Variants in HMCN1 observed in about 807,000 individuals in gnomAD.
The protein encoded by HMCN1 is hemicentin-1.
Under a neutral mutation model 625.9 loss-of-function variants are expected in HMCN1, and 321 were observed. The ratio of observed to expected loss-of-function variants is 0.51; its 90% confidence interval spans 0.47 to 0.56. The LOEUF (loss-of-function observed/expected upper bound fraction) is 0.56. Ranked by LOEUF, HMCN1 falls within the 20% of genes least tolerant of loss-of-function variation. The pLI is 0.00. For synonymous variants in HMCN1, 2,425 were observed against 2,417.6 expected, an observed-to-expected ratio of 1.00 and a Z score of -0.09; for missense variants, 6,588 against 6,887.3, an observed-to-expected ratio of 0.96 and a Z score of 1.54.
chr1:186,179,268 G>A (rs1652789843), intron 104 of HMCN1, among the ~76,000 whole-genome samples: 1 of 152,098 alleles, frequency 6.6e-6, no homozygotes, highest in African/African-American at 2.4e-5. Flanking sequence ...TGATTATTGT[G>A]TATGTTTGTA....
chr1:185,856,487 CAA>C (rs58320542), intron 2 of HMCN1, among the ~76,000 whole-genome samples: 57 of 102,656 alleles, frequency 5.6e-4, no homozygotes, highest in Admixed American at 4.3e-4. Flanking sequence ...GACCCTGTCT[CAA>C]AAAAAAAAAA....
chr1:186,172,152 G>A (rs776687039), intron 102 of HMCN1, 21 bp downstream of exon 102: 48 of 1,612,932 alleles, frequency 3.0e-5, no homozygotes, highest in Admixed American at 8.3e-5. Flanking sequence ...GGCTGTTTCC[G>A]TGACTGAGAT....
chr1:186,145,854 G>C lies in HMCN1; in HGVS notation c.14539G>C (p.Val4847Leu). 1.2e-6 allele frequency: 2 copies of C among 1,614,070 alleles called. No homozygotes were observed. Among genetic ancestry groups the C allele is most frequent in the Non-Finnish European group, 1.7e-6 (2 of 1,180,002 alleles). ...RKRLCDHPVP[V>L]KGGRPCPGDT... The stretch of plus-strand genomic sequence containing the variant: ...GCGGCTGTGCGACCATCCTGTGCCA[G>C]TTAAAGGTGGCCGTCCCTGTCCCGG... Residue 4847 changes from valine to leucine, a missense_variant, in exon 93 of 107, where the codon GTT becomes CTT. Val to Leu is a conservative substitution (Grantham distance 32). Around this residue, in one of 3 missense-constraint regions of HMCN1, gnomAD observed 1,954 missense variants for 2,013.1 expected, o/e 0.97. Transcript: ENST00000271588.
At chr1:185,952,147 A>G (rs1190933990) in intron 11 of HMCN1, among the ~76,000 whole-genome samples, 2 of 151,846 alleles carry the variant, frequency 1.3e-5, no homozygotes, top group South Asian at 2.1e-4. Flanking sequence ...GATTTGGGAT[A>G]AAGAAAAAGG....
chr1:185,813,537 A>G (rs1236138800), intron 1 of HMCN1, among the ~76,000 whole-genome samples: 1 of 152,150 alleles, frequency 6.6e-6, no homozygotes, highest in Non-Finnish European at 1.5e-5. Flanking sequence ...TAGCCTACAA[A>G]AGGTATATAT....
chr1:186,114,226 C>A (rs1661022075), intron 73 of HMCN1, 103 bp downstream of exon 73: 2 of 1,139,572 alleles, frequency 1.8e-6, no homozygotes, highest in Non-Finnish European at 2.6e-6. Flanking sequence ...TTAGAATCAG[C>A]ATTTCATCTT....
chr1:185,997,618 C>T, intron 25 of HMCN1, 94 bp downstream of exon 25: 1 of 863,526 alleles, frequency 1.2e-6, no homozygotes, highest in South Asian at 1.4e-5. Context: ...TAAAATTCCA[C>T]ATCAATCCTT....
chr1:185,774,179 G>T (rs6425001), intron 1 of HMCN1, among the ~76,000 whole-genome samples: 13,555 of 152,118 alleles, frequency 0.089, 1,916 homozygotes, highest in African/African-American at 0.3. Context: ...TTTTTTTAAA[G>T]CTTGGGGGAG....
At chr1:186,162,800 C>A (rs1422024053) in intron 97 of HMCN1, among the ~76,000 whole-genome samples, 1 of 152,282 alleles carries the variant, frequency 6.6e-6, no homozygotes, top group African/African-American at 2.4e-5. Flanking sequence ...GTACCCGGCC[C>A]TGTGAGGTGT....
intron 89 of HMCN1, among the ~76,000 whole-genome samples, chr1:186,143,184 G>A (rs1341202879): frequency 6.6e-6 from 1 of 152,156 alleles, no homozygotes; most frequent in East Asian, 1.9e-4. Context: ...ATAAGAAACT[G>A]TAACATGCAT....
At chr1:186,170,331 T>C (rs1196786675) in intron 100 of HMCN1, among the ~76,000 whole-genome samples, 1 of 152,082 alleles carries the variant, frequency 6.6e-6, no homozygotes, top group African/African-American at 2.4e-5. Context: ...GCAGGTGGAA[T>C]GTTTTACATT....
chr1:185,997,439 A>G lies in HMCN1; in HGVS notation c.3789A>G (p.Thr1263=). Residue 1263 remains threonine, a synonymous_variant, in exon 25 of 107, where the codon ACA becomes ACG. Coordinates refer to ENST00000271588, the MANE Select transcript of HMCN1 (RefSeq NM_031935.3). ...EITLHVQEPP[T]VEDLEPPYNT... ...TTATTTTCCTAATAGAACCACCCAC[A>G]GTGGAAGATCTAGAACCTCCATATA... 1.2e-6 allele frequency: 2 copies of G among 1,608,034 alleles called. No homozygotes were observed. The highest frequency in any genetic ancestry group is 1.7e-6 in the Non-Finnish European group (2 of 1,174,978).
intron 4 of HMCN1, among the ~76,000 whole-genome samples, chr1:185,906,937 C>G (rs1051205132): frequency 7.4e-5 from 11 of 148,936 alleles, no homozygotes; most frequent in Non-Finnish European, 1.5e-4. Context: ...TGAGGCCCAA[C>G]AACAATCCTT....
chr1:185,953,080 G>T (rs1047950386), intron 11 of HMCN1, among the ~76,000 whole-genome samples: 8 of 151,360 alleles, frequency 5.3e-5, no homozygotes, highest in Non-Finnish European at 1.2e-4. Flanking sequence ...GGGGTTGAGG[G>T]GTACTTGCCC....
intron 80 of HMCN1, among the ~76,000 whole-genome samples, chr1:186,121,837 G>A (rs188062658): frequency 7.9e-4 from 121 of 152,288 alleles, no homozygotes; most frequent in African/African-American, 2.6e-3. Context: ...CTGGGGCTGT[G>A]CATTGTTTCA....
chr1:186,087,595 CAT>C lies in HMCN1; in HGVS notation c.9314_9315del (p.His3105ArgfsTer6), dbSNP rs753491403. 9.3e-6 allele frequency: 15 copies of C among 1,613,148 alleles called. No individual in the cohort carries two copies. The highest frequency in any genetic ancestry group is 3.3e-5 in the Admixed American group (2 of 59,926). ...KNGRMITESTHVEILADGQML... is the reference protein window; with the variant it reads ...KNGRMITESTXVEILADGQML... ...TGGGCGGATGATAACAGAGTCTACT[CAT>C]GTGGAGATTTTAGCTGATGGACAAA... On this transcript the variant is annotated frameshift_variant, in exon 60 of 107. Transcript: ENST00000271588. LOFTEE classifies it high-confidence loss of function.
intron 14 of HMCN1, among the ~76,000 whole-genome samples, chr1:185,968,597 C>T (rs925655400): frequency 6.6e-6 from 1 of 151,760 alleles, no homozygotes; most frequent in Non-Finnish European, 1.5e-5. Flanking sequence ...TTGATAACTA[C>T]TTATCAATTA....
In HMCN1 at chr1:185,916,006, G is replaced by T. The variant is rs76593555; in HGVS notation, c.900+4226G>T. On this transcript the variant is annotated intron_variant, in intron 6 of 106. Transcript: ENST00000271588. The stretch of plus-strand genomic sequence containing the variant: ...AATGCTTCCTTTATAAAAAAGACAT[G>T]TGTACACTTAGGTACACATGCACAT... Among the ~76,000 whole-genome samples, 803 of 152,024 alleles carry T rather than the reference G, an allele frequency of 5.3e-3. 5 individuals carry two copies. The highest frequency in any genetic ancestry group is 0.019 in the African/African-American group (771 of 41,486).
In HMCN1 at chr1:186,038,922, A is replaced by C; in HGVS notation, c.5945A>C (p.Gln1982Pro). 1 of 1,609,688 alleles carries C rather than the reference A, an allele frequency of 6.2e-7. No individual in the cohort carries two copies. Among genetic ancestry groups the C allele is most frequent in the Non-Finnish European group, 8.5e-7 (1 of 1,176,070 alleles). Residue 1982 changes from glutamine to proline, a missense_variant, in exon 38 of 107, where the codon CAG (glutamine) becomes CCG (proline). Coordinates refer to ENST00000271588, the MANE Select transcript of HMCN1 (RefSeq NM_031935.3). ...RGQIIDIESA[Q>P]ISDAGIYKCV... ...CAGATCATTGATATTGAAAGTGCCC[A>C]GATCTCAGATGCTGGCATATATAAA... is the stretch of plus-strand genomic sequence containing the variant.
Sources: gnomAD v4.1 joint callset for allele counts (sites outside exome capture counted in the v4.1 genomes callset) on GRCh38, gnomAD v4.1.1 for gene constraint, gnomAD v4.1.1 regional missense constraint, MANE v1.5 for transcripts, NCBI Gene and HGNC (gene_info 2026-07-23, HGNC 2026-07-21) for gene names.